Variants in CASD1 observed in about 807,000 individuals in gnomAD.
CASD1 encodes N-acetylneuraminate (7)9-O-acetyltransferase.
Under a neutral mutation model 100.0 loss-of-function variants are expected in CASD1, and 41 were observed. That is an observed-to-expected ratio of 0.41 (90% CI 0.32 to 0.53). The LOEUF is 0.53. Among genes scored for constraint, CASD1 ranks in the 20% least tolerant of loss-of-function variants. CASD1 has a pLI of 0.25. For synonymous variants in CASD1, 321 were observed against 315.6 expected (o/e 1.02, Z -0.18); for missense variants, 774 against 948.7 (o/e 0.82, Z 2.42).
intron 12 of CASD1, 46 bp downstream of exon 12, chr7:94,545,747 G>T (rs201279926): frequency 3.8e-6 from 5 of 1,323,878 alleles, no homozygotes; most frequent in East Asian, 2.4e-5. Context: ...TTTTTTCAAC[G>T]TGTGAAATTT....
intron 5 of CASD1, 134 bp from the exon 6 acceptor site, chr7:94,533,071 A>T: frequency 1.9e-6 from 1 of 518,248 alleles, no homozygotes; most frequent in East Asian, 3.1e-5. Flanking sequence ...AGCAATAATA[A>T]TAAGGAATTC....
the CASD1 span, chr7:94,588,816 T>C: frequency 1.3e-6 from 2 of 1,529,952 alleles, no homozygotes; most frequent in South Asian, 2.2e-5. Context: ...TGAAAAACTT[T>C]ACGGGTAAAC....
chr7:94,552,278 A>G, intron 15 of CASD1, 72 bp from the exon 16 acceptor site: 1 of 1,039,324 alleles, frequency 9.6e-7, no homozygotes, highest in Non-Finnish European at 1.5e-6. Flanking sequence ...AACTGTAAAA[A>G]AAAAACACTG....
At chr7:94,561,188 A>G (rs894761225), downstream of CASD1, among the ~76,000 whole-genome samples, 8 of 152,000 alleles carry the variant, frequency 5.3e-5, no homozygotes, top group Non-Finnish European at 7.4e-5. Context: ...AGAGGTTGCA[A>G]TGAGCCGAGA....
chr7:94,530,111 A>C (rs988624800), intron 5 of CASD1, among the ~76,000 whole-genome samples: 1 of 152,194 alleles, frequency 6.6e-6, no homozygotes, highest in Non-Finnish European at 1.5e-5. Flanking sequence ...CAAGTGCTAA[A>C]ATAGGAAATG....
At chr7:94,588,021 C>G in the CASD1 span, 73 of 1,386,654 alleles carry the variant, frequency 5.3e-5, no homozygotes, top group Non-Finnish European at 6.2e-5. Context: ...TAATGGTTCC[C>G]TGGCAATTAG....
chr7:94,534,074 CAT>C (rs1423414502), intron 7 of CASD1, among the ~76,000 whole-genome samples: 1 of 150,496 alleles, frequency 6.6e-6, no homozygotes, highest in African/African-American at 2.4e-5. Flanking sequence ...ACGCAAATGA[CAT>C]GTGGTATCCC....
intron 3 of CASD1, 21 bp from the exon 4 acceptor site, chr7:94,527,141 C>A (rs747062351): frequency 6.3e-7 from 1 of 1,584,372 alleles, no homozygotes; most frequent in Middle Eastern, 1.8e-4. Context: ...ATTAATATTT[C>A]TCTGTCTCCT....
At chr7:94,523,559 A>G (rs537542094) in intron 3 of CASD1, among the ~76,000 whole-genome samples, 1 of 152,216 alleles carries the variant, frequency 6.6e-6, no homozygotes, top group Non-Finnish European at 1.5e-5. Flanking sequence ...ATTCCAAATG[A>G]CATAATTAGA....
At chr7:94,580,647 C>G in the CASD1 span, among the ~76,000 whole-genome samples, 1 of 152,118 alleles carries the variant, frequency 6.6e-6, no homozygotes, top group Non-Finnish European at 1.5e-5. Context: ...ACCTTTGTTC[C>G]AACAGATGGC....
chr7:94,548,270 T>G (rs1391072993), intron 13 of CASD1, among the ~76,000 whole-genome samples: 1 of 151,818 alleles, frequency 6.6e-6, no homozygotes, highest in East Asian at 1.9e-4. Flanking sequence ...AAATAGTGCT[T>G]AATATTTGTT....
In CASD1 at chr7:94,537,790, A is replaced by C. The variant is rs116301340; in HGVS notation, c.1162A>C (p.Asn388His). The C allele has an allele frequency of 1.2e-6, 2 of 1,613,024 alleles. No homozygotes were observed. Among genetic ancestry groups the C allele is most frequent in the East Asian group, 2.2e-5 (1 of 44,838 alleles). ...ATATTTCTATATGTGTGACCGTGCA[A>C]ATCTGTTCATGAAGGAAAACAAATT... ...MAYFYMCDRA[N>H]LFMKENKFYT... The change falls in exon 9 of 18, where the codon AAT becomes CAT. Residue 388 changes from asparagine to histidine, a missense_variant. Physicochemically the swap from Asn to His is moderately conservative, Grantham distance 68. This residue lies in a region of CASD1 where 453 missense variants were observed against 532.6 expected (regional missense o/e 0.85). Coordinates refer to ENST00000297273, the MANE Select transcript of CASD1 (RefSeq NM_022900.5).
Position 94,535,245 on chromosome 7 carries a change from T to C in CASD1, c.629-64T>C, listed in dbSNP as rs1584406888. ...TGAAATGTGGAACAGCTAACTTGCATGATCACAATTTTTACCAATAGGGAT... is the reference window on the plus strand; with the variant it reads ...TGAAATGTGGAACAGCTAACTTGCACGATCACAATTTTTACCAATAGGGAT... On this transcript the variant is annotated intron_variant, in intron 7 of 17. Coordinates refer to ENST00000297273, the MANE Select transcript of CASD1 (RefSeq NM_022900.5). The C allele has an allele frequency of 9.0e-6, 11 of 1,221,330 alleles. No homozygotes were observed. In the East Asian group the frequency reaches 2.6e-4, roughly 29 times the overall value. The allele number at this position is 1,221,330 out of a possible 1,614,324, so 75.7% of individuals were successfully genotyped here.
chr7:94,599,546 A>T, the CASD1 span: 2 of 684,436 alleles, frequency 2.9e-6, no homozygotes, highest in Admixed American at 2.6e-5. Context: ...CCTCCTAAAT[A>T]TCTCTATTTA....
intron 10 of CASD1, among the ~76,000 whole-genome samples, chr7:94,540,720 A>G (rs1795352568): frequency 6.6e-6 from 1 of 152,174 alleles, no homozygotes; most frequent in African/African-American, 2.4e-5. Context: ...AATTTGTAGG[A>G]TAAATCCAGA....
intron 1 of CASD1, among the ~76,000 whole-genome samples, chr7:94,512,161 G>A (rs1269844033): frequency 1.3e-5 from 2 of 152,182 alleles, no homozygotes; most frequent in Non-Finnish European, 2.9e-5. Context: ...TTAGGACAGA[G>A]GTGGCCAATC....
chr7:94,543,429 A>C (rs1453385889), intron 10 of CASD1, among the ~76,000 whole-genome samples: 1 of 152,074 alleles, frequency 6.6e-6, no homozygotes, highest in Middle Eastern at 3.2e-3. Flanking sequence ...CGAGGCGGGT[A>C]GATCACCCGA....
chr7:94,588,965 A>C, the CASD1 span: 1 of 536,582 alleles, frequency 1.9e-6, no homozygotes, highest in South Asian at 2.1e-5. Flanking sequence ...GCTATACTCT[A>C]AAGTACCTCA....
Position 94,528,176 on chromosome 7 carries a change from T to C in CASD1, c.397-12T>C. The C allele has an allele frequency of 6.3e-7, 1 of 1,587,586 alleles. No individual in the cohort carries two copies. Among genetic ancestry groups the C allele is most frequent in the East Asian group, 2.2e-5 (1 of 44,654 alleles). On this transcript the variant is annotated splice_polypyrimidine_tract_variant and intron_variant, in intron 4 of 17. Transcript: ENST00000297273. ...TTCAACTTTTTCTTTACTTCTAACA[T>C]TTCTCTTTTAGGATTTTCTGTGGCA...
Sources: gnomAD v4.1 joint callset for allele counts (sites outside exome capture counted in the v4.1 genomes callset) on GRCh38, gnomAD v4.1.1 for gene constraint, gnomAD v4.1.1 regional missense constraint, MANE v1.5 for transcripts, NCBI Gene and HGNC (gene_info 2026-07-23, HGNC 2026-07-21) for gene names.